Variants in PPP6C observed in about 807,000 individuals in gnomAD.
PPP6C encodes the protein protein phosphatase 6 catalytic subunit, also known as serine/threonine-protein phosphatase 6 catalytic subunit.
PPP6C carries 11 observed loss-of-function variants against 39.8 expected under a neutral mutation model. The ratio of observed to expected loss-of-function variants is 0.28; its 90% CI spans 0.17 to 0.46. The LOEUF (loss-of-function observed/expected upper bound fraction) is 0.46, where lower values mean the gene tolerates loss of function less well. Ranked by LOEUF, PPP6C falls within the 20% of genes least tolerant of loss-of-function variation. PPP6C has a pLI of 1.00. For synonymous variants in PPP6C, 129 were observed against 130.3 expected (o/e 0.99, Z 0.07); for missense variants, 211 against 373.9 (o/e 0.56, Z 3.59).
chr9:125,179,723 T>C (rs1263995270), intron 1 of PPP6C, among the ~76,000 whole-genome samples: 2 of 151,534 alleles, frequency 1.3e-5, no homozygotes, highest in Non-Finnish European at 2.9e-5. Flanking sequence ...TGGCGTGATA[T>C]TGGCTCACTG....
chr9:125,158,140 G>A, intron 4 of PPP6C, 101 bp downstream of exon 4: 1 of 1,217,486 alleles, frequency 8.2e-7, no homozygotes. Context: ...GAGGATGTGG[G>A]GAAAATAATA....
At chr9:125,158,632 T>G (rs1359683802) in intron 3 of PPP6C, among the ~76,000 whole-genome samples, 1 of 151,758 alleles carries the variant, frequency 6.6e-6, no homozygotes, top group Non-Finnish European at 1.5e-5. Context: ...TCTCAAAAAC[T>G]TTCCCTGAAA....
Position 125,158,419 on chromosome 9 carries a change from T to C in PPP6C, c.238-37A>G, listed in dbSNP as rs749156861. ...AAGTTTACAGTTACAAACAATACAATAGCCACAATATTCTTTTCAAATTAT... is the reference window on the plus strand; with the variant it reads ...AAGTTTACAGTTACAAACAATACAACAGCCACAATATTCTTTTCAAATTAT... On this transcript the variant is annotated intron_variant, in intron 3 of 6. Coordinates refer to ENST00000373547, the MANE Select transcript of PPP6C (RefSeq NM_002721.5). 14 of 1,582,412 alleles carry C rather than the reference T, an allele frequency of 8.8e-6. No homozygotes were observed. In the Admixed American group the frequency reaches 1.4e-4, roughly 16 times the overall value.
At chr9:125,160,378 G>T (rs752535882) in intron 3 of PPP6C, among the ~76,000 whole-genome samples, 16 of 152,172 alleles carry the variant, frequency 1.1e-4, no homozygotes, top group Non-Finnish European at 1.9e-4. Flanking sequence ...ACCTTGATAT[G>T]GTTTGGCTGT....
At chr9:125,156,694 T>C (rs1836083763) in intron 4 of PPP6C, among the ~76,000 whole-genome samples, 1 of 152,052 alleles carries the variant, frequency 6.6e-6, no homozygotes, top group African/African-American at 2.4e-5. Flanking sequence ...AAAATCCAAA[T>C]TCATAATCTT....
chr9:125,183,688 T>C (rs1443998947), intron 1 of PPP6C, among the ~76,000 whole-genome samples: 1 of 152,206 alleles, frequency 6.6e-6, no homozygotes, highest in Non-Finnish European at 1.5e-5. Context: ...ATTATACTAT[T>C]GCACATGGTG....
chr9:125,172,720 AACAC>A (rs72238242), intron 1 of PPP6C, among the ~76,000 whole-genome samples: 1,958 of 144,184 alleles, frequency 0.014, 24 homozygotes, highest in East Asian at 0.042. Flanking sequence ...AATACACACA[AACAC>A]ACACACACAC....
rs533521190 is a variant in PPP6C at position 125,179,414 on chromosome 9, T to C, written c.76-8234A>G. ...AGCAGATTGTTTTGATTTGTTTAGG[T>C]TTGGTTTGGAGGGTGGGGAACTATG... On this transcript the variant is annotated intron_variant, in intron 1 of 6. Coordinates refer to ENST00000373547, the MANE Select transcript of PPP6C (RefSeq NM_002721.5). Among the ~76,000 whole-genome samples, 200 of 152,234 alleles carry C rather than the reference T, an allele frequency of 1.3e-3. 1 individual carries two copies. Among genetic ancestry groups the C allele is most frequent in the Non-Finnish European group, 2.0e-3 (138 of 68,032 alleles).
chr9:125,184,107 G>C (rs1166060209), intron 1 of PPP6C, among the ~76,000 whole-genome samples: 1 of 151,634 alleles, frequency 6.6e-6, no homozygotes, highest in African/African-American at 2.4e-5. Flanking sequence ...TTTTTTTTTT[G>C]CCAGGCGCGG....
intron 1 of PPP6C, among the ~76,000 whole-genome samples, chr9:125,175,474 TA>T (rs979757753): frequency 2.7e-5 from 4 of 149,216 alleles, no homozygotes; most frequent in Admixed American, 6.7e-5. Context: ...CCGTCTCTAC[TA>T]AAAAAAAATA....
At chr9:125,167,574 A>G (rs1373900909) in intron 2 of PPP6C, among the ~76,000 whole-genome samples, 3 of 151,446 alleles carry the variant, frequency 2.0e-5, no homozygotes, top group South Asian at 2.1e-4. Context: ...GTGGTGGCAC[A>G]TGCCTGTAAT....
At chr9:125,158,682 G>A (rs758717173) in intron 3 of PPP6C, among the ~76,000 whole-genome samples, 2 of 137,730 alleles carry the variant, frequency 1.5e-5, no homozygotes, top group Non-Finnish European at 3.1e-5. Context: ...TTCTTTTTTT[G>A]AGACAGTATC....
chr9:125,154,302 A>G (rs1836018334), intron 4 of PPP6C, among the ~76,000 whole-genome samples: 1 of 152,244 alleles, frequency 6.6e-6, no homozygotes, highest in African/African-American at 2.4e-5. Flanking sequence ...ACACCTAGGC[A>G]ATATGATATA....
chr9:125,160,790 C>A lies in PPP6C; in HGVS notation c.237+51G>T. ...ATTATGCAATTTACATTTAATAAGT[C>A]AGATCCTTTCCATTTTAAACAAGCA... On this transcript the variant is annotated intron_variant, in intron 3 of 6. Coordinates refer to ENST00000373547, the MANE Select transcript of PPP6C (RefSeq NM_002721.5). The A allele has an allele frequency of 3.9e-6, 5 of 1,279,138 alleles. No homozygotes were observed. The South Asian group carries it at 6.9e-5, about 18-fold the overall frequency. 79.2% of individuals were successfully genotyped at this position (1,279,138 alleles called of 1,614,324 possible). A position where few individuals can be genotyped will look rare whatever the true frequency, so the allele number is the denominator to read the frequency against.
chr9:125,149,954 C>A, intron 6 of PPP6C, 33 bp from the exon 7 acceptor site: 1 of 1,597,302 alleles, frequency 6.3e-7, no homozygotes. Context: ...AAGTACTTAG[C>A]ACTTAAAAAA....
At chr9:125,150,818 G>A (rs1835918168) in intron 6 of PPP6C, 1 of 751,378 alleles carries the variant, frequency 1.3e-6, no homozygotes, top group Non-Finnish European at 2.4e-6. Flanking sequence ...ACATCATTCA[G>A]AGTGGTTGTG....
intron 4 of PPP6C, among the ~76,000 whole-genome samples, chr9:125,157,564 C>T (rs1274431143): frequency 6.6e-6 from 1 of 152,096 alleles, no homozygotes; most frequent in Non-Finnish European, 1.5e-5. Flanking sequence ...CACACACACA[C>T]ATACAAAATG....
In PPP6C at chr9:125,148,425, T is replaced by C. The variant is rs1319062704; in HGVS notation, c.*1248A>G. ...AAGTGGACAGTTGCATATTCAGAAC[T>C]GATCATCACAACCCTTTGGATATTC... On this transcript the variant is annotated 3_prime_UTR_variant, in exon 7 of 7. Transcript: ENST00000373547. 6.6e-6 allele frequency: 1 copy of C among 152,218 alleles called. No homozygotes were observed. Among genetic ancestry groups the C allele is most frequent in the African/African-American group, 2.4e-5 (1 of 41,458 alleles). 9.4% of individuals were successfully genotyped at this position (152,218 alleles called of 1,614,324 possible).
chr9:125,151,632 C>CA (rs1835944916), intron 6 of PPP6C: 1 of 661,724 alleles, frequency 1.5e-6, no homozygotes. Context: ...AAATCCACCC[C>CA]ACCCCTTGTT....
Sources: gnomAD v4.1 joint callset for allele counts (sites outside exome capture counted in the v4.1 genomes callset) on GRCh38, gnomAD v4.1.1 for gene constraint, MANE v1.5 for transcripts, NCBI Gene and HGNC (gene_info 2026-07-23, HGNC 2026-07-21) for gene names.